TMEM131: variants seen among roughly 807,000 people sequenced by gnomAD.
TMEM131 encodes the protein transmembrane protein 131, also known as 2610524E03Rik.
A neutral mutation model predicts 211.6 loss-of-function variants in TMEM131; 66 were observed. The ratio of observed to expected loss-of-function variants is 0.31; its 90% CI spans 0.26 to 0.38. The LOEUF is 0.38. Among genes scored for constraint, TMEM131 ranks in the 10% least tolerant of loss-of-function variants. TMEM131 has a pLI of 1.00. For synonymous variants in TMEM131, 844 were observed against 841.3 expected (o/e 1.00, Z -0.06); for missense variants, 2,036 against 2,299.3 (o/e 0.89, Z 2.34).
chr2:97,944,308 A>T (rs913846735), intron 1 of TMEM131, among the ~76,000 whole-genome samples: 1 of 152,140 alleles, frequency 6.6e-6, no homozygotes, highest in African/African-American at 2.4e-5. Context: ...CCTGCCTAAC[A>T]ACATATGCAA....
chr2:97,763,400 T>TG (rs1266196226), intron 35 of TMEM131: 1 of 152,692 alleles, frequency 6.5e-6, no homozygotes, highest in Non-Finnish European at 1.5e-5. Context: ...CTGGTACTGG[T>TG]GCCAGACTCA....
At chr2:97,875,605 C>T (rs1056570802) in intron 4 of TMEM131, among the ~76,000 whole-genome samples, 1 of 152,162 alleles carries the variant, frequency 6.6e-6, no homozygotes, top group African/African-American at 2.4e-5. Context: ...GAACAACCTG[C>T]TCCTGAATGG....
chr2:97,863,003 T>C (rs1674129268), intron 4 of TMEM131, among the ~76,000 whole-genome samples: 1 of 151,796 alleles, frequency 6.6e-6, no homozygotes, highest in Non-Finnish European at 1.5e-5. Context: ...AGAAACAGAA[T>C]TAGGTACAAT....
intron 11 of TMEM131, among the ~76,000 whole-genome samples, chr2:97,827,943 G>A (rs1039140293): frequency 2.3e-4 from 35 of 152,084 alleles, no homozygotes; most frequent in African/African-American, 4.8e-5. Context: ...CTATTACCAT[G>A]TTGTTTTTTA....
chr2:97,845,759 C>CA (rs59502408), intron 5 of TMEM131, among the ~76,000 whole-genome samples: 7,228 of 122,116 alleles, frequency 0.059, 280 homozygotes, highest in East Asian at 0.21. Flanking sequence ...CAGAAAGTAG[C>CA]AAAAAAAAAA....
intron 40 of TMEM131, 93 bp downstream of exon 40, chr2:97,758,800 T>C (rs1371823666): frequency 1.3e-6 from 2 of 1,491,082 alleles, no homozygotes; most frequent in Admixed American, 2.2e-5. Flanking sequence ...GTTTGTTGTT[T>C]ATAACTATGT....
intron 11 of TMEM131, among the ~76,000 whole-genome samples, chr2:97,826,783 A>T (rs917504614): frequency 6.6e-6 from 1 of 152,222 alleles, no homozygotes; most frequent in Non-Finnish European, 1.5e-5. Context: ...CCTATAATTG[A>T]TAATTGAAGG....
At chr2:97,813,728 A>G (rs987155728) in intron 15 of TMEM131, among the ~76,000 whole-genome samples, 1 of 152,228 alleles carries the variant, frequency 6.6e-6, no homozygotes, top group Non-Finnish European at 1.5e-5. Flanking sequence ...TCCAAGAGAA[A>G]GCAGAATGTG....
At chr2:97,926,035 C>T (rs567384652) in intron 2 of TMEM131, among the ~76,000 whole-genome samples, 1 of 151,754 alleles carries the variant, frequency 6.6e-6, no homozygotes, top group African/African-American at 2.4e-5. Context: ...TGGTGTGAAC[C>T]CGGGAGGCAG....
chr2:97,988,708 A>G (rs1471460665), intron 1 of TMEM131, among the ~76,000 whole-genome samples: 1 of 152,202 alleles, frequency 6.6e-6, no homozygotes, highest in Non-Finnish European at 1.5e-5. Context: ...ATGCAAATCA[A>G]TACCACAATG....
chr2:97,760,401 G>T, intron 38 of TMEM131, 192 bp downstream of exon 38: 1 of 607,510 alleles, frequency 1.6e-6, no homozygotes, highest in South Asian at 2.0e-5. Flanking sequence ...GACCCCCTGG[G>T]GAAGGCACCG....
At chr2:97,820,893 G>T (rs1176071068) in intron 11 of TMEM131, among the ~76,000 whole-genome samples, 3 of 151,316 alleles carry the variant, frequency 2.0e-5, no homozygotes, top group Non-Finnish European at 4.4e-5. Context: ...GGAATGGGTT[G>T]TTTTCTGAGA....
At chr2:97,964,561 C>G (rs1678961164) in intron 1 of TMEM131, among the ~76,000 whole-genome samples, 1 of 152,194 alleles carries the variant, frequency 6.6e-6, no homozygotes, top group African/African-American at 2.4e-5. Context: ...TTGTTAAACA[C>G]ACATTTGAAA....
chr2:97,896,404 C>T (rs1675612767), intron 3 of TMEM131, among the ~76,000 whole-genome samples: 1 of 152,002 alleles, frequency 6.6e-6, no homozygotes. Flanking sequence ...GAGTTCAGGT[C>T]CTGAATATCC....
At chr2:97,813,081 G>T (rs1484519746) in intron 15 of TMEM131, among the ~76,000 whole-genome samples, 2 of 152,100 alleles carry the variant, frequency 1.3e-5, no homozygotes, top group Non-Finnish European at 1.5e-5. Context: ...TGAGGGCTTT[G>T]TATGACGAAA....
chr2:97,759,615 A>G (rs1207367616), intron 39 of TMEM131, 37 bp downstream of exon 39: 9 of 1,522,214 alleles, frequency 5.9e-6, no homozygotes, highest in Non-Finnish European at 8.2e-6. Flanking sequence ...CTCTGTCCAC[A>G]GGCTTATTAG....
intron 1 of TMEM131, among the ~76,000 whole-genome samples, chr2:97,943,566 A>G (rs1677899450): frequency 6.6e-6 from 1 of 152,228 alleles, no homozygotes. Context: ...TAGAATACTT[A>G]ATAATGTTAA....
intron 32 of TMEM131, among the ~76,000 whole-genome samples, chr2:97,774,224 C>G (rs1050171720): frequency 6.6e-6 from 1 of 152,214 alleles, no homozygotes; most frequent in East Asian, 1.9e-4. Context: ...TCTTGTAAAC[C>G]ATGAGCTTTT....
intron 4 of TMEM131, among the ~76,000 whole-genome samples, chr2:97,881,336 A>G (rs1674920851): frequency 6.6e-6 from 1 of 151,324 alleles, no homozygotes; most frequent in Non-Finnish European, 1.5e-5. Context: ...CCTCCTGAAT[A>G]GCTGGGACTA....
Sources: gnomAD v4.1 joint callset for allele counts (sites outside exome capture counted in the v4.1 genomes callset) on GRCh38, gnomAD v4.1.1 for gene constraint, MANE v1.5 for transcripts, NCBI Gene and HGNC (gene_info 2026-07-23, HGNC 2026-07-21) for gene names.